Variants in RNF216 observed in about 807,000 individuals in gnomAD.
RNF216 encodes E3 ubiquitin-protein ligase RNF216.
A neutral mutation model predicts 110.8 loss-of-function variants in RNF216; 72 were observed. The observed-to-expected ratio is 0.65, with a 90% CI of 0.54 to 0.79. RNF216 has a LOEUF of 0.79. Ranked by LOEUF, RNF216 falls within the 30% of genes least tolerant of loss-of-function variation. RNF216 has a pLI of 0.00. For missense variants in RNF216, 1,342 were observed against 1,141.2 expected (o/e 1.18, Z -2.54); for synonymous variants, 495 against 407.5 (o/e 1.21, Z -2.59).
chr7:5,741,650 C>A lies in RNF216; in HGVS notation c.367G>T (p.Ala123Ser), dbSNP rs752100519. Residue 123 changes from alanine (A) to serine (S), a missense_variant, in exon 4 of 17, where the codon GCA becomes TCA. Transcript: ENST00000389902. ...TAGTCATCCTCAGAATCATCCTGTG[C>A]CCCAGAATCAAACAATGGGTTGTTA... The part of the protein sequence containing the change: ...VCNNPLFDSG[A>S]QDDSEDDYGE... 3.7e-6 allele frequency: 6 copies of A among 1,614,098 alleles called. No homozygotes were observed. In the South Asian group the frequency reaches 4.4e-5, roughly 12 times the overall value.
At chr7:5,671,533 G>A (rs760701304) in intron 13 of RNF216, among the ~76,000 whole-genome samples, 8 of 152,090 alleles carry the variant, frequency 5.3e-5, no homozygotes, top group Non-Finnish European at 1.0e-4. Context: ...AGCCGGGCAC[G>A]GTGGCTCACG....
Position 5,649,264 on chromosome 7 carries a change from C to T in RNF216, c.2159+3149G>A, listed in dbSNP as rs6971940. On this transcript the variant is annotated intron_variant, in intron 14 of 16. Transcript: ENST00000389902. ...AAAATTAGCTGGGCGTGGTAGCAGG[C>T]GCCTGTAATCCCAGCTACTCGGGAG... is the stretch of plus-strand genomic sequence containing the variant. Among the ~76,000 whole-genome samples the T allele has an allele frequency of 9.0e-3, 1,368 of 151,936 alleles. 22 individuals are homozygous for T. The highest frequency in any genetic ancestry group is 0.031 in the African/African-American group (1,301 of 41,418).
intron 14 of RNF216, 142 bp downstream of exon 14, chr7:5,652,271 G>A: frequency 1.6e-6 from 1 of 630,314 alleles, no homozygotes. Context: ...AGGCTCAAGG[G>A]TTAGATTACT....
intron 13 of RNF216, among the ~76,000 whole-genome samples, chr7:5,704,235 T>C (rs1167401777): frequency 1.3e-5 from 2 of 152,206 alleles, no homozygotes; most frequent in South Asian, 2.1e-4. Context: ...TTTATATTAA[T>C]GCCGTATTAA....
At chr7:5,657,291 G>A (rs570294038) in intron 13 of RNF216, among the ~76,000 whole-genome samples, 12 of 152,328 alleles carry the variant, frequency 7.9e-5, no homozygotes, top group Admixed American at 5.9e-4. Flanking sequence ...GACTGGGCCG[G>A]GTGCAGTGGC....
chr7:5,755,500 C>A (rs1315129210), intron 2 of RNF216, among the ~76,000 whole-genome samples: 1 of 152,220 alleles, frequency 6.6e-6, no homozygotes, highest in Non-Finnish European at 1.5e-5. Flanking sequence ...CCCCCTTGTG[C>A]TTTCTCCCAA....
At chr7:5,698,160 T>C (rs1055620364) in intron 13 of RNF216, among the ~76,000 whole-genome samples, 1 of 152,236 alleles carries the variant, frequency 6.6e-6, no homozygotes, top group Non-Finnish European at 1.5e-5. Flanking sequence ...ATCCTAGTTT[T>C]AAAATCCTCG....
At chr7:5,774,226 T>A (rs1359329065) in intron 1 of RNF216, among the ~76,000 whole-genome samples, 1 of 152,232 alleles carries the variant, frequency 6.6e-6, no homozygotes, top group Non-Finnish European at 1.5e-5. Flanking sequence ...GATAAATTGT[T>A]CAATCTCCTA....
intron 13 of RNF216, among the ~76,000 whole-genome samples, chr7:5,695,906 A>G (rs1193562348): frequency 6.6e-6 from 1 of 152,270 alleles, no homozygotes; most frequent in Non-Finnish European, 1.5e-5. Flanking sequence ...TGAAAGACTA[A>G]GCAGAGGTGC....
chr7:5,644,565 G>A (rs1225179446), intron 14 of RNF216, among the ~76,000 whole-genome samples: 1 of 151,838 alleles, frequency 6.6e-6, no homozygotes, highest in Non-Finnish European at 1.5e-5. Flanking sequence ...GAGTGCAGTA[G>A]TGTAATATCA....
chr7:5,650,860 T>C (rs1788344176), intron 14 of RNF216, among the ~76,000 whole-genome samples: 2 of 152,170 alleles, frequency 1.3e-5, no homozygotes. Context: ...TGTAAGAGAA[T>C]AATGGTACCC....
At chr7:5,631,565 C>T (rs1787073458) in intron 15 of RNF216, among the ~76,000 whole-genome samples, 1 of 152,188 alleles carries the variant, frequency 6.6e-6, no homozygotes, top group African/African-American at 2.4e-5. Context: ...ATGTTTTCTC[C>T]TGACACTACC....
chr7:5,625,637 C>G (rs988062373), intron 15 of RNF216, among the ~76,000 whole-genome samples: 6 of 152,230 alleles, frequency 3.9e-5, no homozygotes, highest in Non-Finnish European at 8.8e-5. Flanking sequence ...CGCAAGGATT[C>G]TGGAGTTAGG....
chr7:5,774,897 TTGCCACC>T (rs1186396732), intron 1 of RNF216: 1 of 152,104 alleles, frequency 6.6e-6, no homozygotes, highest in Non-Finnish European at 1.5e-5. Flanking sequence ...TACAGGCATG[TTGCCACC>T]ATGCCCAGCT....
chr7:5,683,742 G>A (rs1267080237), intron 13 of RNF216, among the ~76,000 whole-genome samples: 1 of 152,164 alleles, frequency 6.6e-6, no homozygotes, highest in Non-Finnish European at 1.5e-5. Flanking sequence ...TTTTTAAAGT[G>A]CTCAGCACAG....
In RNF216 at chr7:5,622,931, CG is replaced by C; in HGVS notation, c.2700del (p.Phe900LeufsTer58). The C allele has an allele frequency of 1.2e-6, 2 of 1,613,794 alleles. No individual in the cohort carries two copies. Among genetic ancestry groups the C allele is most frequent in the Non-Finnish European group, 1.7e-6 (2 of 1,179,960 alleles). ...PLPNVRVNYD[F>X]GPIHMPLEHN... ...TGCTCCAGGGGCATGTGGATGGGAC[CG>C]AAGTCATAGTTGACCCGCACGTTGG... On this transcript the variant is annotated frameshift_variant, in exon 17 of 17. Transcript: ENST00000389902. LOFTEE classifies it high-confidence loss of function.
chr7:5,658,524 G>A (rs1562797461), intron 13 of RNF216, among the ~76,000 whole-genome samples: 2 of 150,526 alleles, frequency 1.3e-5, no homozygotes, highest in African/African-American at 2.5e-5. Flanking sequence ...TGGCTGTGGT[G>A]GTATGTGCCT....
rs1794618154 is a variant in RNF216 at position 5,739,284 on chromosome 7, A to T, written c.1113T>A (p.Asp371Glu). 2 of 1,592,642 alleles carry T rather than the reference A, an allele frequency of 1.3e-6. No individual in the cohort carries two copies. Among genetic ancestry groups the T allele is most frequent in the South Asian group, 1.2e-5 (1 of 86,174 alleles). Residue 371 changes from aspartate (D) to glutamate (E), a missense_variant, in exon 5 of 17, where the codon GAT (aspartate) becomes GAA (glutamate). Transcript: ENST00000389902. ...CATGGTAGTATACTTACACATTCAGATCATAATAATTCTTAAAATGAATTA... is the reference window on the plus strand; with the variant it reads ...CATGGTAGTATACTTACACATTCAGTTCATAATAATTCTTAAAATGAATTA... Reference protein sequence around the residue: ...EEIIHFKNYYDLNVLCNFLLE... With the variant: ...EEIIHFKNYYELNVLCNFLLE...
intron 15 of RNF216, among the ~76,000 whole-genome samples, chr7:5,634,420 C>T (rs564916747): frequency 6.6e-6 from 1 of 152,196 alleles, no homozygotes; most frequent in South Asian, 2.1e-4. Flanking sequence ...TCAAATTATT[C>T]CCAGATTAGC....
Sources: allele counts gnomAD v4.1 joint callset (sites outside exome capture counted in the v4.1 genomes callset), GRCh38; gene constraint gnomAD v4.1.1; transcripts MANE v1.5; gene names NCBI Gene and HGNC (gene_info 2026-07-23, HGNC 2026-07-21).